The following APBA3 variants were observed in gnomAD, a reference collection of about 807,000 sequenced individuals.
APBA3 encodes the protein amyloid-beta A4 precursor protein-binding family A member 3.
APBA3 carries 45 observed loss-of-function variants against 55.9 expected under a neutral mutation model. The ratio of observed to expected loss-of-function variants is 0.80; its 90% confidence interval spans 0.63 to 1.03. The LOEUF (loss-of-function observed/expected upper bound fraction) is 1.03. Ranked by LOEUF, APBA3 falls within the 50% of genes least tolerant of loss-of-function variation. The pLI, the probability that APBA3 is intolerant of heterozygous loss-of-function variation, is 0.00. For synonymous variants in APBA3, 370 were observed against 353.3 expected (o/e 1.05, Z -0.53); for missense variants, 865 against 820.3 (o/e 1.05, Z -0.67).
At chr19:3,753,961 G>A (rs1201564872) in intron 5 of APBA3, 35 bp from the exon 6 acceptor site, 1 of 1,563,662 alleles carries the variant, frequency 6.4e-7, no homozygotes, top group Non-Finnish European at 8.7e-7. Context: ...TGGGTTGGGG[G>A]GCCGTGCCAG....
At chr19:3,754,864 G>A (rs55813912) in intron 3 of APBA3, 5,968 of 152,598 alleles carry the variant, frequency 0.039, 415 homozygotes, top group African/African-American at 0.13. Flanking sequence ...ACGGGGTTTC[G>A]CCACGTTGGC....
At position 3,760,520 on chromosome 19, in the gene APBA3, C is replaced by A. The variant is rs542686820; in HGVS notation, c.-37-219G>T. The stretch of plus-strand genomic sequence containing the variant: ...TTCCCAGCACTTTGTGAGGCCGAGG[C>A]GGGCAGATCATGGGGTCAGGAGTTT... On this transcript the variant is annotated intron_variant, in intron 1 of 10. Coordinates refer to ENST00000316757, the MANE Select transcript of APBA3 (RefSeq NM_004886.4). Among the ~76,000 whole-genome samples, 3 of 146,318 alleles carry A rather than the reference C, an allele frequency of 2.1e-5. No individual in the cohort carries two copies. The South Asian group carries it at 6.5e-4, about 32-fold the overall frequency.
At chr19:3,757,806 C>G (rs574738000) in intron 3 of APBA3, among the ~76,000 whole-genome samples, 36 of 152,330 alleles carry the variant, frequency 2.4e-4, no homozygotes, top group Admixed American at 5.9e-4. Context: ...ATATTTTCAG[C>G]CTTGTAGGTC....
intron 8 of APBA3, chr19:3,751,867 C>T (rs1423312232): frequency 2.8e-6 from 1 of 356,162 alleles, no homozygotes; most frequent in East Asian, 6.1e-5. Context: ...GGGCAGGTCC[C>T]TCCCTATCTC....
At chr19:3,755,017 C>T (rs572132210) in intron 3 of APBA3, 3 of 152,364 alleles carry the variant, frequency 2.0e-5, no homozygotes, top group Non-Finnish European at 4.4e-5. Flanking sequence ...ACAGTGGACC[C>T]CTGCTTCTTG....
At chr19:3,752,471 T>G (rs778602088) in intron 8 of APBA3, 37 bp downstream of exon 8, 7 of 1,521,266 alleles carry the variant, frequency 4.6e-6, no homozygotes, top group South Asian at 1.2e-5. Flanking sequence ...CTCCCCTTCC[T>G]GGGAGTGTGG....
In APBA3 at chr19:3,754,064, C is replaced by T. The variant is rs1220446877; in HGVS notation, c.804G>A (p.Leu268=). The part of the protein sequence containing the change: ...GETQPMTEVD[L]FVSTKRIKVL... ...CCTTGATCCTCTTGGTGGAGACGAA[C>T]AGGTCCACCTCCGTCATGGGCTGGG... Residue 268 remains leucine (L), a synonymous_variant, in exon 5 of 11, where the codon CTG becomes CTA. Coordinates refer to ENST00000316757, the MANE Select transcript of APBA3 (RefSeq NM_004886.4). 3 of 1,611,004 alleles carry T rather than the reference C, an allele frequency of 1.9e-6. No homozygotes were observed. The highest frequency in any genetic ancestry group is 4.5e-5 in the East Asian group (2 of 44,784).
chr19:3,753,522 G>A (rs1049111747), intron 6 of APBA3: 15 of 473,152 alleles, frequency 3.2e-5, no homozygotes, highest in East Asian at 1.3e-4. Flanking sequence ...GTGATACCCC[G>A]GTGGTCCCAG....
rs2037023598 is a variant in APBA3, at chr19:3,752,675, C to A, written c.1228G>T (p.Val410Leu). 1 of 1,593,284 alleles carries A rather than the reference C, an allele frequency of 6.3e-7. No homozygotes were observed. Among genetic ancestry groups the A allele is most frequent in the East Asian group, 2.3e-5 (1 of 44,344 alleles). Reference protein sequence around the residue: ...RRGEGLGVALVESGWGSLLPT... With the variant: ...RRGEGLGVALLESGWGSLLPT... ...AGCAGGGAGCCCCAGCCCGACTCCA[C>A]CAGGGCCACGCCCAGGCCCTCCCCT... Residue 410 changes from valine (V) to leucine (L), a missense_variant, in exon 8 of 11, where the codon GTG becomes TTG. Coordinates refer to ENST00000316757, the MANE Select transcript of APBA3 (RefSeq NM_004886.4).
In APBA3 at chr19:3,754,348, C is replaced by T. The variant is rs765792420; in HGVS notation, c.617-8G>A. On this transcript the variant is annotated splice_polypyrimidine_tract_variant and splice_region_variant and intron_variant, in intron 3 of 10. Coordinates refer to ENST00000316757, the MANE Select transcript of APBA3 (RefSeq NM_004886.4). ...GGTCACAGGGACCAGGCACTGAGGG[C>T]GACAGCGAAGAGGGTCGGCCCCCAG... The T allele has an allele frequency of 9.6e-6, 15 of 1,555,736 alleles. No individual in the cohort carries two copies. The highest frequency in any genetic ancestry group is 2.4e-5 in the South Asian group (2 of 83,816).
In APBA3 at chr19:3,752,802, GC is replaced by G; in HGVS notation, c.1182+17del. On this transcript the variant is annotated intron_variant, in intron 7 of 10. Coordinates refer to ENST00000316757, the MANE Select transcript of APBA3 (RefSeq NM_004886.4). Reference sequence around the variant, plus strand: ...GTGTGGGGGGCACCAGGTGGGGGCTGCCCAGCACCTCACTCACCTCCCGGCA... The same window carrying G: ...GTGTGGGGGGCACCAGGTGGGGGCTGCCAGCACCTCACTCACCTCCCGGCA... The G allele has an allele frequency of 6.2e-7, 1 of 1,611,804 alleles. No individual in the cohort carries two copies. Among genetic ancestry groups the G allele is most frequent in the Non-Finnish European group, 8.5e-7 (1 of 1,179,252 alleles).
chr19:3,760,471 G>A (rs575488505), intron 1 of APBA3, among the ~76,000 whole-genome samples, 170 bp from the exon 2 acceptor site: 9 of 152,238 alleles, frequency 5.9e-5, no homozygotes, highest in Admixed American at 6.5e-5. Flanking sequence ...AATTAAGGCC[G>A]GGCACAGTGG....
Position 3,750,930 on chromosome 19 carries a change from A to G in APBA3, c.*96T>C, listed in dbSNP as rs1487015793. On this transcript the variant is annotated 3_prime_UTR_variant, in exon 11 of 11. Transcript: ENST00000316757. Reference sequence around the variant, plus strand: ...TTATATTAGGAAATCATACAGGACCAAGAACCGCTGGGGTCCTGGCCAGCC... The same window carrying G: ...TTATATTAGGAAATCATACAGGACCGAGAACCGCTGGGGTCCTGGCCAGCC... The G allele has an allele frequency of 7.3e-7, 1 of 1,362,546 alleles. No individual in the cohort carries two copies. Among genetic ancestry groups the G allele is most frequent in the Non-Finnish European group, 1.0e-6 (1 of 975,642 alleles). The allele number at this position is 1,362,546 out of a possible 1,614,324, so 84.4% of individuals were successfully genotyped here.
In APBA3 at chr19:3,753,773, C is replaced by G; in HGVS notation, c.1003G>C (p.Ala335Pro). The G allele has an allele frequency of 6.5e-7, 1 of 1,543,654 alleles. No individual in the cohort carries two copies. Among genetic ancestry groups the G allele is most frequent in the Non-Finnish European group, 8.7e-7 (1 of 1,145,018 alleles). Residue 335 changes from alanine (A) to proline (P), a missense_variant, in exon 6 of 11, where the codon GCG (alanine) becomes CCG (proline). By Grantham distance (27) the Ala-to-Pro change is conservative. Transcript: ENST00000316757. Reference protein sequence around the residue: ...LYKMLCHVFYAEDAQLIAQAI... With the variant: ...LYKMLCHVFYPEDAQLIAQAI... ...GCGCCCTGGCTGCTCACGTCCTCCG[C>G]GTAGAATACGTGGCAGAGCATCTTG... is the stretch of plus-strand genomic sequence containing the variant.
chr19:3,752,297 T>A (rs779465230), intron 8 of APBA3, among the ~76,000 whole-genome samples: 5 of 151,956 alleles, frequency 3.3e-5, no homozygotes, highest in Non-Finnish European at 7.4e-5. Flanking sequence ...CGCATTTCCA[T>A]CCTGGCTCTG....
At chr19:3,760,892 GAC>G (rs1408199007) in intron 1 of APBA3, among the ~76,000 whole-genome samples, 13 of 152,218 alleles carry the variant, frequency 8.5e-5, no homozygotes, top group Non-Finnish European at 2.9e-5. Context: ...CAGCCTGGGT[GAC>G]AGAGTGAGGC....
chr19:3,753,479 C>T (rs2037035469), intron 6 of APBA3: 1 of 422,134 alleles, frequency 2.4e-6, no homozygotes, highest in East Asian at 3.9e-5. Flanking sequence ...GAGACCGTGT[C>T]TCTATAAAAA....
At chr19:3,761,175 T>C (rs1211430456) in intron 1 of APBA3, among the ~76,000 whole-genome samples, 1 of 152,042 alleles carries the variant, frequency 6.6e-6, no homozygotes, top group Non-Finnish European at 1.5e-5. Context: ...CCCTGGTTCT[T>C]CCAGGTCCTC....
intron 6 of APBA3, 95 bp from the exon 7 acceptor site, chr19:3,753,085 C>T: frequency 7.0e-7 from 1 of 1,422,876 alleles, no homozygotes; most frequent in South Asian, 1.3e-5. Flanking sequence ...CCTCCTGTCC[C>T]CACCTGGGGT....
Sources: gnomAD v4.1 joint callset for allele counts (sites outside exome capture counted in the v4.1 genomes callset) on GRCh38, gnomAD v4.1.1 for gene constraint, MANE v1.5 for transcripts, NCBI Gene and HGNC (gene_info 2026-07-23, HGNC 2026-07-21) for gene names.